The following ITGA9 variants were observed in gnomAD, a reference collection of about 807,000 sequenced individuals.
ITGA9 encodes the protein integrin alpha-9.
In ITGA9, 56 loss-of-function variants were observed where a neutral mutation model predicts 127.8. That is an observed-to-expected ratio of 0.44 (90% CI 0.35 to 0.55). The LOEUF is 0.55. Ranked by LOEUF, ITGA9 falls within the 20% of genes least tolerant of loss-of-function variation. The pLI, the probability that ITGA9 is intolerant of heterozygous loss-of-function variation, is 0.00. For missense variants in ITGA9, 1,196 were observed against 1,347.1 expected (o/e 0.89, Z 1.76); for synonymous variants, 508 against 514.5 (o/e 0.99, Z 0.17).
At chr3:37,607,870 C>T (rs1417484173) in intron 15 of ITGA9, among the ~76,000 whole-genome samples, 3 of 152,274 alleles carry the variant, frequency 2.0e-5, no homozygotes, top group East Asian at 1.9e-4. Context: ...GCAAAAGGAC[C>T]GAAGGTTCTT....
intron 15 of ITGA9, among the ~76,000 whole-genome samples, chr3:37,544,798 A>G (rs1206752497): frequency 6.6e-6 from 1 of 152,206 alleles, no homozygotes; most frequent in East Asian, 1.9e-4. Context: ...AATACACCAG[A>G]TAGACACATG....
At chr3:37,759,229 CA>C (rs1030026077) in intron 23 of ITGA9, among the ~76,000 whole-genome samples, 3 of 149,296 alleles carry the variant, frequency 2.0e-5, no homozygotes, top group Non-Finnish European at 3.0e-5. Flanking sequence ...ACAAACAAAA[CA>C]AAAAAAAAGT....
At chr3:37,635,071 AAAACTT>A (rs1223596758) in intron 16 of ITGA9, among the ~76,000 whole-genome samples, 1 of 152,248 alleles carries the variant, frequency 6.6e-6, no homozygotes, top group Non-Finnish European at 1.5e-5. Context: ...ACAGCATACA[AAAACTT>A]AAAATGTGGT....
intron 15 of ITGA9, among the ~76,000 whole-genome samples, chr3:37,576,770 AATTTTTTGC>A (rs1180327247): frequency 2.6e-5 from 4 of 152,132 alleles, no homozygotes; most frequent in African/African-American, 9.7e-5. Flanking sequence ...ATGCCTGCCT[AATTTTTTGC>A]ATTTTTTGCA....
intron 23 of ITGA9, among the ~76,000 whole-genome samples, chr3:37,755,934 T>G (rs753823433): frequency 8.6e-5 from 13 of 151,560 alleles, no homozygotes; most frequent in Non-Finnish European, 1.6e-4. Context: ...GAAGAAGAAT[T>G]TAAAACATAA....
At chr3:37,506,236 C>T in intron 7 of ITGA9, 151 bp downstream of exon 7, 3 of 706,350 alleles carry the variant, frequency 4.2e-6, no homozygotes, top group Non-Finnish European at 5.2e-6. Flanking sequence ...CTGCCCCACT[C>T]CATTGGAAAG....
At chr3:37,626,822 C>G (rs1370345173) in intron 15 of ITGA9, among the ~76,000 whole-genome samples, 3 of 152,208 alleles carry the variant, frequency 2.0e-5, no homozygotes, top group Admixed American at 6.5e-5. Context: ...TTCCCTACCC[C>G]CATCTTCACC....
chr3:37,748,565 T>C, intron 22 of ITGA9: 1 of 450,750 alleles, frequency 2.2e-6, no homozygotes, highest in Non-Finnish European at 4.0e-6. Context: ...CTGGCCAACA[T>C]GGTGAAATCC....
At chr3:37,616,428 G>T (rs1304018198) in intron 15 of ITGA9, among the ~76,000 whole-genome samples, 2 of 150,462 alleles carry the variant, frequency 1.3e-5, no homozygotes, top group African/African-American at 4.9e-5. Flanking sequence ...GTGCTGAAAA[G>T]AATGTATATT....
chr3:37,456,080 T>C (rs1698254509), intron 1 of ITGA9, among the ~76,000 whole-genome samples: 1 of 152,246 alleles, frequency 6.6e-6, no homozygotes, highest in Non-Finnish European at 1.5e-5. Context: ...TCTGTAGCCA[T>C]ATCACACTGA....
intron 15 of ITGA9, among the ~76,000 whole-genome samples, chr3:37,560,123 C>T (rs538799746): frequency 6.6e-6 from 1 of 151,850 alleles, no homozygotes; most frequent in Admixed American, 6.6e-5. Flanking sequence ...CCCGACAGGC[C>T]CCGGTGTGTG....
chr3:37,750,864 C>T (rs868214350), intron 23 of ITGA9, among the ~76,000 whole-genome samples: 4 of 152,250 alleles, frequency 2.6e-5, no homozygotes, highest in African/African-American at 9.6e-5. Flanking sequence ...TCTGCAGTTG[C>T]ATGCGTCTGA....
At chr3:37,687,368 G>A (rs1349772561) in intron 18 of ITGA9, among the ~76,000 whole-genome samples, 1 of 150,956 alleles carries the variant, frequency 6.6e-6, no homozygotes, top group Non-Finnish European at 1.5e-5. Flanking sequence ...CAGAGAAAAA[G>A]AACAAAGCAA....
At chr3:37,610,793 T>G (rs1457706505) in intron 15 of ITGA9, among the ~76,000 whole-genome samples, 1 of 152,240 alleles carries the variant, frequency 6.6e-6, no homozygotes, top group Non-Finnish European at 1.5e-5. Context: ...GCTCAGTGTC[T>G]GTCTCTGTTA....
At chr3:37,464,548 A>C (rs1364807833) in intron 1 of ITGA9, among the ~76,000 whole-genome samples, 1 of 152,220 alleles carries the variant, frequency 6.6e-6, no homozygotes, top group Non-Finnish European at 1.5e-5. Context: ...TGTTTTACAG[A>C]AGAGGAAAAC....
intron 1 of ITGA9, among the ~76,000 whole-genome samples, chr3:37,462,632 C>T (rs907500888): frequency 1.3e-5 from 2 of 152,154 alleles, no homozygotes; most frequent in African/African-American, 4.8e-5. Context: ...ACCCTCCCTA[C>T]CTCCACCTCC....
chr3:37,462,909 C>T (rs1021251832), intron 1 of ITGA9, among the ~76,000 whole-genome samples: 3 of 152,188 alleles, frequency 2.0e-5, no homozygotes, highest in African/African-American at 4.8e-5. Flanking sequence ...AAGGAAGGGT[C>T]AGAGTGGCCA....
intron 26 of ITGA9, among the ~76,000 whole-genome samples, chr3:37,797,802 T>A (rs1053235768): frequency 1.3e-5 from 2 of 152,094 alleles, no homozygotes; most frequent in East Asian, 1.9e-4. Context: ...CTCAGGTCAC[T>A]GCAGCCTTCA....
chr3:37,693,401 T>C (rs1700852103), intron 18 of ITGA9, among the ~76,000 whole-genome samples: 1 of 152,184 alleles, frequency 6.6e-6, no homozygotes, highest in Non-Finnish European at 1.5e-5. Context: ...CTTTCAAGGC[T>C]TTCAGTGGCT....
Sources: allele counts gnomAD v4.1 joint callset (sites outside exome capture counted in the v4.1 genomes callset), GRCh38; gene constraint gnomAD v4.1.1; transcripts MANE v1.5; gene names NCBI Gene and HGNC (gene_info 2026-07-23, HGNC 2026-07-21).